The following CUX1 variants were observed in gnomAD, a reference collection of about 807,000 sequenced individuals.
The protein encoded by CUX1 is protein CASP.
A neutral mutation model predicts 158.8 loss-of-function variants in CUX1; 31 were observed. The ratio of observed to expected loss-of-function variants is 0.20; its 90% CI spans 0.15 to 0.26. CUX1 has a LOEUF of 0.26. CUX1 is among the 10% of genes least tolerant of loss of function. The pLI is 1.00. For synonymous variants in CUX1, 879 were observed against 862.1 expected (o/e 1.02, Z -0.34); for missense variants, 1,589 against 2,014.6 (o/e 0.79, Z 4.04).
chr7:101,987,012 C>G (rs558175436), intron 2 of CUX1, among the ~76,000 whole-genome samples: 45 of 152,268 alleles, frequency 3.0e-4, no homozygotes, highest in African/African-American at 1.1e-3. Flanking sequence ...CTGGGCTCCT[C>G]CTGTGCCCCA....
chr7:102,070,149 C>T (rs963287288), intron 3 of CUX1, among the ~76,000 whole-genome samples, 190 bp from the exon 4 acceptor site: 1 of 152,186 alleles, frequency 6.6e-6, no homozygotes, highest in Non-Finnish European at 1.5e-5. Context: ...CAAATCTCTG[C>T]TCCTCCCTTG....
intron 3 of CUX1, among the ~76,000 whole-genome samples, chr7:102,061,413 A>G (rs965003215): frequency 3.3e-5 from 5 of 152,170 alleles, no homozygotes; most frequent in African/African-American, 9.7e-5. Flanking sequence ...CCAGGGTCCA[A>G]GTAACTTGGT....
chr7:101,845,838 A>G (rs1489215945), intron 1 of CUX1, among the ~76,000 whole-genome samples: 77 of 152,044 alleles, frequency 5.1e-4, no homozygotes, highest in Non-Finnish European at 8.8e-5. Flanking sequence ...GTAAAACCCC[A>G]TCTCTACTAA....
chr7:101,938,092 G>A (rs1219310952), intron 2 of CUX1, among the ~76,000 whole-genome samples: 2 of 151,644 alleles, frequency 1.3e-5, no homozygotes, highest in South Asian at 2.1e-4. Context: ...ACAAAAGGTT[G>A]ATATCCATGT....
chr7:102,060,608 A>AACACAC (rs58786987), intron 3 of CUX1, among the ~76,000 whole-genome samples: 12,125 of 133,048 alleles, frequency 0.091, 898 homozygotes, highest in African/African-American at 0.2. Context: ...CACACAAATA[A>AACACAC]ACACACACAC....
intron 2 of CUX1, among the ~76,000 whole-genome samples, chr7:102,027,266 G>A (rs192163270): frequency 8.5e-5 from 13 of 152,118 alleles, no homozygotes; most frequent in Non-Finnish European, 1.3e-4. Flanking sequence ...CCACTTACTC[G>A]GGAGGCTGAG....
At chr7:101,951,889 C>T (rs895075412) in intron 2 of CUX1, among the ~76,000 whole-genome samples, 1 of 152,228 alleles carries the variant, frequency 6.6e-6, no homozygotes, top group Admixed American at 6.5e-5. Context: ...CTGTAGGTTT[C>T]GGCAGGGCCA....
chr7:102,196,538 T>G (rs1364872819), intron 14 of CUX1, 96 bp from the exon 15 acceptor site: 6 of 1,223,724 alleles, frequency 4.9e-6, no homozygotes, highest in Non-Finnish European at 6.7e-6. Flanking sequence ...TTTTTTGTTT[T>G]CCCTTTTGCG....
rs1554540685 is a variant in CUX1 at position 102,252,936 on chromosome 7, G to A, written c.*3894G>A. On this transcript the variant is annotated 3_prime_UTR_variant, in exon 24 of 24. Transcript: ENST00000292535. ...CTCCTGGGACAGGATTGGGGTGACA[G>A]CCCAGGGATGCATGCATGGGAGAAC... 2 of 985,342 alleles carry A rather than the reference G, an allele frequency of 2.0e-6. No individual in the cohort carries two copies. Among genetic ancestry groups the A allele is most frequent in the East Asian group, 2.3e-4 (2 of 8,832 alleles). The allele number at this position is 985,342 out of a possible 1,614,324, so 61.0% of individuals were successfully genotyped here. A position where few individuals can be genotyped will look rare whatever the true frequency, so the allele number is the denominator to read the frequency against.
Position 102,111,769 on chromosome 7 carries a change from A to G in CUX1, c.602A>G (p.Gln201Arg), listed in dbSNP as rs1554490173. 3.1e-6 allele frequency: 5 copies of G among 1,614,006 alleles called. No homozygotes were observed. Among genetic ancestry groups the G allele is most frequent in the Non-Finnish European group, 4.2e-6 (5 of 1,179,866 alleles). The stretch of plus-strand genomic sequence containing the variant: ...GCTGAGCATAAGGTTCAGAGCCTAC[A>G]AACAGGTTTGATACTCTCCTTCCTA... Reference protein sequence around the residue: ...EEAEHKVQSLQTALEKTRTEL... With the variant: ...EEAEHKVQSLRTALEKTRTEL... The change falls in exon 7 of 24, where the codon CAA becomes CGA. Residue 201 changes from glutamine to arginine, a missense_variant. This residue lies in a region of CUX1 where 515 missense variants were observed against 574.4 expected (regional missense o/e 0.90). Coordinates refer to ENST00000292535, the MANE Select transcript of CUX1 (RefSeq NM_181552.4).
chr7:102,066,366 C>T (rs1428183748), intron 3 of CUX1, among the ~76,000 whole-genome samples: 1 of 152,206 alleles, frequency 6.6e-6, no homozygotes. Context: ...GAGACCCTAG[C>T]TCCAAATAAG....
intron 2 of CUX1, among the ~76,000 whole-genome samples, chr7:101,984,188 GT>G (rs1813970190): frequency 1.5e-5 from 2 of 134,810 alleles, no homozygotes; most frequent in African/African-American, 5.6e-5. Flanking sequence ...GGGGACAGAT[GT>G]CCAAAGTGTG....
At chr7:102,147,655 GCTGT>G (rs1563310025) in intron 8 of CUX1, among the ~76,000 whole-genome samples, 1 of 152,174 alleles carries the variant, frequency 6.6e-6, no homozygotes, top group African/African-American at 2.4e-5. Flanking sequence ...CCAGTGAATG[GCTGT>G]CTGTCAAGAA....
chr7:102,104,477 G>A lies in CUX1; in HGVS notation c.530+18G>A, dbSNP rs1554487775. 6.2e-7 allele frequency: 1 copy of A among 1,611,042 alleles called. No individual in the cohort carries two copies. Among genetic ancestry groups the A allele is most frequent in the African/African-American group, 1.3e-5 (1 of 74,880 alleles). ...AAGGAGAGGTGAGCATGACTTCCAG[G>A]CACACACAGACTGACATAGCATTTG... is the stretch of plus-strand genomic sequence containing the variant. On this transcript the variant is annotated intron_variant, in intron 6 of 23. Transcript: ENST00000292535.
At chr7:101,978,314 C>G (rs921012813) in intron 2 of CUX1, among the ~76,000 whole-genome samples, 1 of 152,250 alleles carries the variant, frequency 6.6e-6, no homozygotes, top group African/African-American at 2.4e-5. Flanking sequence ...CAATCCCAGT[C>G]CCCCTGTCAC....
chr7:101,816,900 G>T (rs1159096382), upstream of CUX1: 14 of 980,134 alleles, frequency 1.4e-5, no homozygotes, highest in Non-Finnish European at 1.7e-5. Context: ...CCGGCACCCC[G>T]CGTGTGGCTC....
intron 1 of CUX1, among the ~76,000 whole-genome samples, chr7:101,825,136 C>T (rs1055656222): frequency 6.6e-6 from 1 of 152,152 alleles, no homozygotes; most frequent in Non-Finnish European, 1.5e-5. Context: ...GCTGGAGTCC[C>T]CAACATACAG....
Position 102,248,612 on chromosome 7 carries a change from G to T in CUX1, c.4088G>T (p.Arg1363Leu), listed in dbSNP as rs1379555245. 4.4e-5 allele frequency: 63 copies of T among 1,443,060 alleles called. No individual in the cohort carries two copies. Among genetic ancestry groups the T allele is most frequent in the Non-Finnish European group, 5.5e-5 (61 of 1,103,022 alleles). The allele number at this position is 1,443,060 out of a possible 1,614,324, so 89.4% of individuals were successfully genotyped here. The change falls in exon 24 of 24, where the codon CGG becomes CTG. Residue 1363 changes from arginine (R) to leucine (L), a missense_variant. By Grantham distance (102) the Arg-to-Leu change is moderately radical. Coordinates refer to ENST00000292535, the MANE Select transcript of CUX1 (RefSeq NM_181552.4). The surrounding 1 kb of genome is among the most constrained non-coding windows in gnomAD (Gnocchi z 5.8). ...EEPKSQGEAE[R>L]EEVPRPAEQT... ...CCCAAGTCTCAGGGAGAGGCCGAGCGGGAGGAGGTGCCGCGGCCGGCGGAG... is the reference window on the plus strand; with the variant it reads ...CCCAAGTCTCAGGGAGAGGCCGAGCTGGAGGAGGTGCCGCGGCCGGCGGAG...
intron 2 of CUX1, among the ~76,000 whole-genome samples, chr7:101,936,213 G>A (rs1806911887): frequency 7.2e-6 from 1 of 138,976 alleles, no homozygotes; most frequent in South Asian, 2.5e-4. Flanking sequence ...AGTGGGTTTT[G>A]AAAGCACTTG....
Sources: allele counts gnomAD v4.1 joint callset (sites outside exome capture counted in the v4.1 genomes callset), GRCh38; gene constraint gnomAD v4.1.1; regional missense constraint gnomAD v4.1.1; non-coding constraint Gnocchi (gnomAD v3.1); transcripts MANE v1.5; gene names NCBI Gene and HGNC (gene_info 2026-07-23, HGNC 2026-07-21).